The following EVC2 variants were observed in gnomAD, a reference collection of about 807,000 sequenced individuals.
The protein encoded by EVC2 is limbin.
A neutral mutation model predicts 149.3 loss-of-function variants in EVC2; 148 were observed. The observed-to-expected ratio is 0.99, with a 90% CI of 0.87 to 1.14. EVC2 has a LOEUF of 1.14. EVC2 is among the 50% of genes most tolerant of loss of function. The pLI, the probability that EVC2 is intolerant of heterozygous loss-of-function variation, is 0.00. For missense variants in EVC2, 1,854 were observed against 1,627.3 expected (o/e 1.14, Z -2.40); for synonymous variants, 776 against 649.9 (o/e 1.19, Z -2.95).
intron 11 of EVC2, among the ~76,000 whole-genome samples, chr4:5,631,502 T>C (rs1411897490): frequency 6.6e-6 from 1 of 151,980 alleles, no homozygotes; most frequent in Non-Finnish European, 1.5e-5. Context: ...ATCACACTCA[T>C]CTTATAAGTG....
chr4:5,698,855 G>A (rs1721650240), intron 1 of EVC2, among the ~76,000 whole-genome samples: 2 of 152,216 alleles, frequency 1.3e-5, no homozygotes, highest in Admixed American at 6.5e-5. Flanking sequence ...TGAGTTGAGC[G>A]GGATGCTCAG....
intron 17 of EVC2, among the ~76,000 whole-genome samples, chr4:5,578,924 A>T (rs998275386): frequency 6.6e-6 from 1 of 152,124 alleles, no homozygotes; most frequent in African/African-American, 2.4e-5. Context: ...TTGTCTTAGA[A>T]TATAGATAGG....
chr4:5,642,609 T>A (rs943546549), intron 9 of EVC2, among the ~76,000 whole-genome samples: 3 of 152,190 alleles, frequency 2.0e-5, no homozygotes, highest in Non-Finnish European at 4.4e-5. Context: ...TCAGTACAGA[T>A]TCCCATGAGA....
Position 5,633,501 on chromosome 4 carries a change from G to A in EVC2, c.1471-1469C>T, listed in dbSNP as rs1716694785. 6.6e-6 allele frequency among the ~76,000 whole-genome samples: 1 copy of A among 152,262 alleles called. No homozygotes were observed. The highest frequency in any genetic ancestry group is 2.4e-5 in the African/African-American group (1 of 41,474). Reference sequence around the variant, plus strand: ...TTCTCACCCATGCTCAGCTAGGGGAGGAAGCGTGTTGAAAGCAAGTGTTCA... The same window carrying A: ...TTCTCACCCATGCTCAGCTAGGGGAAGAAGCGTGTTGAAAGCAAGTGTTCA... On this transcript the variant is annotated intron_variant, in intron 10 of 21. Coordinates refer to ENST00000344408, the MANE Select transcript of EVC2 (RefSeq NM_147127.5). This position sits in a 1 kb window ranked among gnomAD's most constrained non-coding sequence, Gnocchi z 4.4.
rs76665609 is a variant in EVC2 at position 5,667,781 on chromosome 4, G to A, written c.871-2132C>T. Among the ~76,000 whole-genome samples, 1,470 of 152,256 alleles carry A rather than the reference G, an allele frequency of 9.7e-3. 19 individuals are homozygous for A. The highest frequency in any genetic ancestry group is 0.034 in the African/African-American group (1,399 of 41,542). ...GACTCAGTGTCCAGGGTTTTTATTC[G>A]AGGCTGATCACATAGGCACCCTGTG... On this transcript the variant is annotated intron_variant, in intron 7 of 21. Transcript: ENST00000344408.
chr4:5,683,123 C>A (rs1197599932), intron 6 of EVC2, among the ~76,000 whole-genome samples: 1 of 152,192 alleles, frequency 6.6e-6, no homozygotes, highest in Non-Finnish European at 1.5e-5. Flanking sequence ...TACCGTAAGT[C>A]CTCTTTTCAT....
chr4:5,605,428 G>T (rs1343061105), intron 16 of EVC2, among the ~76,000 whole-genome samples: 1 of 152,144 alleles, frequency 6.6e-6, no homozygotes, highest in East Asian at 1.9e-4. Flanking sequence ...TGTGTGAGGG[G>T]TCAGCACCCC....
At chr4:5,697,973 C>T (rs1266793127) in intron 1 of EVC2, among the ~76,000 whole-genome samples, 2 of 151,928 alleles carry the variant, frequency 1.3e-5, no homozygotes, top group African/African-American at 4.8e-5. Context: ...GGATGGTCTC[C>T]ATCTCCTGAC....
intron 9 of EVC2, among the ~76,000 whole-genome samples, chr4:5,644,265 A>T (rs1228146594): frequency 1.3e-5 from 2 of 152,180 alleles, no homozygotes; most frequent in Non-Finnish European, 2.9e-5. Context: ...GACCTTTAAA[A>T]ATTGAGACAA....
intron 19 of EVC2, among the ~76,000 whole-genome samples, chr4:5,572,636 A>T (rs56050673): frequency 6.6e-6 from 1 of 152,112 alleles, no homozygotes; most frequent in African/African-American, 2.4e-5. Context: ...AAGAATTTCT[A>T]TTCTTTATAA....
chr4:5,677,844 T>A lies in EVC2; in HGVS notation c.870+3416A>T, dbSNP rs937365480. ...AGCTCACAGACCACCAGAAGACTGG[T>A]TACCAGTGCACCCGACAGCCTCACT... On this transcript the variant is annotated intron_variant, in intron 7 of 21. Transcript: ENST00000344408. The surrounding 1 kb of genome is among the most constrained non-coding windows in gnomAD (Gnocchi z 4.3). Among the ~76,000 whole-genome samples, 2 of 152,144 alleles carry A rather than the reference T, an allele frequency of 1.3e-5. No individual in the cohort carries two copies. Among genetic ancestry groups the A allele is most frequent in the Non-Finnish European group, 2.9e-5 (2 of 68,026 alleles).
rs755073720 is a variant in EVC2 at position 5,694,491 on chromosome 4, T to C, written c.294A>G (p.Pro98=). 6.2e-7 allele frequency: 1 copy of C among 1,614,198 alleles called. No homozygotes were observed. Among genetic ancestry groups the C allele is most frequent in the South Asian group, 1.1e-5 (1 of 91,080 alleles). The change falls in exon 3 of 22, where the codon CCA becomes CCG. Residue 98 remains proline (P), a synonymous_variant. Transcript: ENST00000344408. ...CCHFKTAVEA[P]LGMKLDKKME... ...TTTTCTTGTCCAATTTCATTCCAAGTGGTGCTTCCACTGCAAAACAACAAC... is the reference window on the plus strand; with the variant it reads ...TTTTCTTGTCCAATTTCATTCCAAGCGGTGCTTCCACTGCAAAACAACAAC...
At position 5,697,517 on chromosome 4, in the gene EVC2, C is replaced by G. The variant is rs577329913; in HGVS notation, c.283+76G>C. 14 of 1,421,708 alleles carry G rather than the reference C, an allele frequency of 9.8e-6. No individual in the cohort carries two copies. In the Admixed American group the frequency reaches 2.2e-4, roughly 22 times the overall value. The allele number at this position is 1,421,708 out of a possible 1,614,324, so 88.1% of individuals were successfully genotyped here. ...GAAGGATCAGCAGAGAGTGAGGGAG[C>G]TGGAGGAAGGAGGGCTTCAGGCTTC... On this transcript the variant is annotated intron_variant, in intron 2 of 21. Transcript: ENST00000344408.
In EVC2 at chr4:5,708,362, T is replaced by TG; in HGVS notation, c.151dup (p.Gln51ProfsTer5). On this transcript the variant is annotated frameshift_variant, in exon 1 of 22. Transcript: ENST00000344408. LOFTEE classifies it high-confidence loss of function. ...GCCGGGCCCAGACCTAGGAGCCACC[T>TG]GGGGATCCCGGGGTGGCTGCGCGCC... The TG allele has an allele frequency of 6.7e-7, 1 of 1,488,002 alleles. No individual in the cohort carries two copies. The highest frequency in any genetic ancestry group is 8.9e-7 in the Non-Finnish European group (1 of 1,125,656). The allele number at this position is 1,488,002 out of a possible 1,614,324, so 92.2% of individuals were successfully genotyped here.
intron 13 of EVC2, 90 bp from the exon 14 acceptor site, chr4:5,623,081 T>C (rs2108839593): frequency 8.4e-7 from 1 of 1,194,796 alleles, no homozygotes; most frequent in Non-Finnish European, 1.2e-6. Context: ...AAGCACAGAA[T>C]GTTTATAGCC....
Position 5,584,959 on chromosome 4 carries a change from CA to C in EVC2, c.2830-110del, listed in dbSNP as rs1395341529. On this transcript the variant is annotated intron_variant, in intron 16 of 21. Coordinates refer to ENST00000344408, the MANE Select transcript of EVC2 (RefSeq NM_147127.5). ...ACAGACCTGGGATTCTGAGGACCAC[CA>C]AAAGTTTACAATGGAGACGCACTGG... 21 of 1,177,152 alleles carry C rather than the reference CA, an allele frequency of 1.8e-5. No individual in the cohort carries two copies. The South Asian group carries it at 2.2e-4, about 12-fold the overall frequency. The allele number at this position is 1,177,152 out of a possible 1,614,324, so 72.9% of individuals were successfully genotyped here. A position where few individuals can be genotyped will look rare whatever the true frequency, so the allele number is the denominator to read the frequency against.
intron 1 of EVC2, among the ~76,000 whole-genome samples, chr4:5,701,171 G>A (rs539050427): frequency 6.6e-5 from 10 of 152,210 alleles, no homozygotes; most frequent in East Asian, 1.9e-4. Flanking sequence ...TCCTTCTCAC[G>A]TTGCATCTCT....
chr4:5,613,019 G>C lies in EVC2; in HGVS notation c.2829+2403C>G, dbSNP rs1390433340. ...GGGAGGGGTTATGGAGGGTGTTGAG[G>C]TCCAGCCTTGAGCCACTGGGTGGGA... On this transcript the variant is annotated intron_variant, in intron 16 of 21. Transcript: ENST00000344408. This position sits in a 1 kb window ranked among gnomAD's most constrained non-coding sequence, Gnocchi z 4.6. Among the ~76,000 whole-genome samples the C allele has an allele frequency of 6.6e-6, 1 of 151,910 alleles. No individual in the cohort carries two copies. Among genetic ancestry groups the C allele is most frequent in the Non-Finnish European group, 1.5e-5 (1 of 67,954 alleles).
rs915618174 is a variant in EVC2 at position 5,644,705 on chromosome 4, A to G, written c.1146-3867T>C. 5.9e-5 allele frequency among the ~76,000 whole-genome samples: 9 copies of G among 152,296 alleles called. No homozygotes were observed. The East Asian group carries it at 1.7e-3, about 29-fold the overall frequency. ...CTACCCCTTCCCATACCTGGGCTCC[A>G]GTAACCACTATTCTATTCTGTATCT... On this transcript the variant is annotated intron_variant, in intron 9 of 21. Coordinates refer to ENST00000344408, the MANE Select transcript of EVC2 (RefSeq NM_147127.5).
Sources: gnomAD v4.1 joint callset for allele counts (sites outside exome capture counted in the v4.1 genomes callset) on GRCh38, gnomAD v4.1.1 for gene constraint, Gnocchi (gnomAD v3.1) non-coding constraint, MANE v1.5 for transcripts, NCBI Gene and HGNC (gene_info 2026-07-23, HGNC 2026-07-21) for gene names.